KHDRBS2: variants seen among roughly 807,000 people sequenced by gnomAD.
KHDRBS2 encodes the protein KH RNA binding domain containing, signal transduction associated 2.
A neutral mutation model predicts 44.3 loss-of-function variants in KHDRBS2; 26 were observed. The ratio of observed to expected loss-of-function variants is 0.59; its 90% CI spans 0.43 to 0.81. The LOEUF (loss-of-function observed/expected upper bound fraction) is 0.81, where lower values mean the gene tolerates loss of function less well. KHDRBS2 is among the 40% of genes least tolerant of loss of function. KHDRBS2 has a pLI of 0.00. For missense variants in KHDRBS2, 476 were observed against 433.1 expected, an observed-to-expected ratio of 1.10 and a Z score of -0.88; for synonymous variants, 194 against 151.1, an observed-to-expected ratio of 1.28 and a Z score of -2.08.
rs551443548 is a variant in KHDRBS2 at position 61,791,908 on chromosome 6, G to T, written c.811-59144C>A. Among the ~76,000 whole-genome samples, 365 of 150,990 alleles carry T rather than the reference G, an allele frequency of 2.4e-3. 2 individuals are homozygous for T. The highest frequency in any genetic ancestry group is 8.1e-3 in the African/African-American group (334 of 41,350). Reference sequence around the variant, plus strand: ...TAGTCCATTTATAACTATTATAATTGTTGATATATTTGAATTTAATTCCTA... The same window carrying T: ...TAGTCCATTTATAACTATTATAATTTTTGATATATTTGAATTTAATTCCTA... On this transcript the variant is annotated intron_variant, in intron 6 of 8. Transcript: ENST00000281156.
intron 3 of KHDRBS2, among the ~76,000 whole-genome samples, chr6:62,044,900 T>C (rs905545388): frequency 6.6e-6 from 1 of 152,126 alleles, no homozygotes; most frequent in African/African-American, 2.4e-5. Context: ...TACATACCCA[T>C]ACATACTTAT....
chr6:62,145,763 A>G (rs1307861132), intron 2 of KHDRBS2, among the ~76,000 whole-genome samples: 2 of 151,880 alleles, frequency 1.3e-5, no homozygotes, highest in Non-Finnish European at 2.9e-5. Context: ...GAAATGCTCT[A>G]AAATCTGAAA....
the KHDRBS2 span, among the ~76,000 whole-genome samples, chr6:61,582,641 T>G: frequency 1.7e-4 from 26 of 151,746 alleles, no homozygotes; most frequent in African/African-American, 6.0e-4. Flanking sequence ...AGCATAACAT[T>G]CATGATCCAA....
intron 3 of KHDRBS2, among the ~76,000 whole-genome samples, chr6:62,036,560 A>C (rs1785324267): frequency 6.6e-6 from 1 of 151,988 alleles, no homozygotes; most frequent in Non-Finnish European, 1.5e-5. Flanking sequence ...AAGAAAAAAA[A>C]GTAATTTGGA....
chr6:61,934,333 A>C (rs1810642681), intron 4 of KHDRBS2, among the ~76,000 whole-genome samples: 1 of 151,882 alleles, frequency 6.6e-6, no homozygotes, highest in Admixed American at 6.6e-5. Flanking sequence ...TTTTGCTTTT[A>C]TTGCTTGTGC....
chr6:62,078,648 T>G (rs1436854637), intron 2 of KHDRBS2, among the ~76,000 whole-genome samples: 1 of 151,982 alleles, frequency 6.6e-6, no homozygotes, highest in African/African-American at 2.4e-5. Context: ...TGACAGAAAT[T>G]GAAAGGAAAA....
intron 7 of KHDRBS2, among the ~76,000 whole-genome samples, chr6:61,720,526 C>T (rs1772282257): frequency 6.6e-6 from 1 of 152,108 alleles, no homozygotes; most frequent in African/African-American, 2.4e-5. Flanking sequence ...CTCTGATGGC[C>T]AGTGATGGTG....
At chr6:62,224,252 C>T (rs1831381028) in intron 1 of KHDRBS2, among the ~76,000 whole-genome samples, 1 of 152,102 alleles carries the variant, frequency 6.6e-6, no homozygotes, top group Non-Finnish European at 1.5e-5. Flanking sequence ...CCTGATAAAG[C>T]CATCAGATCT....
chr6:61,662,001 T>C, the KHDRBS2 span, among the ~76,000 whole-genome samples: 2 of 151,928 alleles, frequency 1.3e-5, no homozygotes, highest in African/African-American at 4.8e-5. Context: ...CAAACTATAC[T>C]ACAATGCTAC....
At chr6:62,054,157 G>T (rs1268423403) in intron 2 of KHDRBS2, among the ~76,000 whole-genome samples, 1 of 152,050 alleles carries the variant, frequency 6.6e-6, no homozygotes, top group Non-Finnish European at 1.5e-5. Context: ...ATAGGGTTTG[G>T]ATCAACTTAT....
At chr6:61,915,876 A>T (rs1171394494) in intron 4 of KHDRBS2, among the ~76,000 whole-genome samples, 1 of 152,112 alleles carries the variant, frequency 6.6e-6, no homozygotes, top group African/African-American at 2.4e-5. Context: ...TTACTCAGGC[A>T]TTTAGCAAAC....
chr6:61,716,295 T>C (rs1771413965), intron 7 of KHDRBS2, among the ~76,000 whole-genome samples: 1 of 151,892 alleles, frequency 6.6e-6, no homozygotes, highest in Non-Finnish European at 1.5e-5. Flanking sequence ...CCCAGGTGAT[T>C]TCACATCCCA....
At chr6:61,862,371 G>A (rs183554329) in intron 6 of KHDRBS2, among the ~76,000 whole-genome samples, 1 of 152,196 alleles carries the variant, frequency 6.6e-6, no homozygotes, top group African/African-American at 2.4e-5. Context: ...TAGGAGTGGT[G>A]ACAGAGGGCA....
At chr6:61,808,411 A>G (rs1787527492) in intron 6 of KHDRBS2, among the ~76,000 whole-genome samples, 2 of 152,270 alleles carry the variant, frequency 1.3e-5, no homozygotes, top group Middle Eastern at 3.4e-3. Flanking sequence ...AACTATATCC[A>G]GAATTCTAGT....
intron 2 of KHDRBS2, among the ~76,000 whole-genome samples, chr6:62,173,566 G>A (rs1820500762): frequency 6.6e-6 from 1 of 151,676 alleles, no homozygotes; most frequent in East Asian, 1.9e-4. Context: ...CTCAGTCTAT[G>A]AGTCCAGCAT....
intron 3 of KHDRBS2, among the ~76,000 whole-genome samples, chr6:62,036,199 G>A (rs548354570): frequency 6.6e-6 from 1 of 151,820 alleles, no homozygotes; most frequent in Non-Finnish European, 1.5e-5. Flanking sequence ...TGAGTACAGG[G>A]TGCACATCAT....
intron 6 of KHDRBS2, among the ~76,000 whole-genome samples, chr6:61,798,830 AT>A (rs1785801960): frequency 6.6e-6 from 1 of 151,944 alleles, no homozygotes. Flanking sequence ...CCTTTATTAT[AT>A]ATAAGGCAAA....
intron 1 of KHDRBS2, among the ~76,000 whole-genome samples, chr6:62,221,889 C>T (rs1367072203): frequency 2.0e-5 from 3 of 152,068 alleles, no homozygotes; most frequent in Non-Finnish European, 4.4e-5. Flanking sequence ...TGACCCTAAA[C>T]TAAAAACTAA....
intron 4 of KHDRBS2, among the ~76,000 whole-genome samples, chr6:61,945,517 T>A (rs1291080713): frequency 6.6e-6 from 1 of 152,034 alleles, no homozygotes; most frequent in Non-Finnish European, 1.5e-5. Context: ...TATTTTTTAC[T>A]GAATTTAATA....
Sources: gnomAD v4.1 joint callset for allele counts (sites outside exome capture counted in the v4.1 genomes callset) on GRCh38, gnomAD v4.1.1 for gene constraint, MANE v1.5 for transcripts, NCBI Gene and HGNC (gene_info 2026-07-23, HGNC 2026-07-21) for gene names.